MRAP2: variants seen among roughly 807,000 people sequenced by gnomAD.
MRAP2 encodes melanocortin-2 receptor accessory protein 2.
In MRAP2, 20 loss-of-function variants were observed where a neutral mutation model predicts 17.4. The observed-to-expected ratio is 1.15, with a 90% confidence interval of 0.81 to 1.67. The LOEUF (loss-of-function observed/expected upper bound fraction) is 1.67, where lower values mean the gene tolerates loss of function less well. Ranked by LOEUF, MRAP2 falls within the 40% of genes most tolerant of loss-of-function variation. MRAP2 has a pLI of 0.00. For missense variants in MRAP2, 238 were observed against 240.0 expected, an observed-to-expected ratio of 0.99 and a Z score of 0.05; for synonymous variants, 96 against 88.4, an observed-to-expected ratio of 1.09 and a Z score of -0.48.
At chr6:84,129,677 G>A in the MRAP2 span, among the ~76,000 whole-genome samples, 1 of 152,056 alleles carries the variant, frequency 6.6e-6, no homozygotes, top group East Asian at 1.9e-4. Context: ...TGTTTAATTA[G>A]ATCCCATTTG....
the MRAP2 span, among the ~76,000 whole-genome samples, chr6:84,114,053 G>T: frequency 6.6e-6 from 1 of 152,042 alleles, no homozygotes; most frequent in Non-Finnish European, 1.5e-5. Context: ...ACAATTATGT[G>T]TCTTGGGGTT....
rs980872326 is a variant in MRAP2 at position 84,062,946 on chromosome 6, T to C, written c.181T>C (p.Phe61Leu). The C allele has an allele frequency of 1.2e-6, 2 of 1,614,180 alleles. No homozygotes were observed. Among genetic ancestry groups the C allele is most frequent in the Admixed American group, 1.7e-5 (1 of 60,026 alleles). Residue 61 changes from phenylalanine (F) to leucine (L), a missense_variant, in exon 3 of 4, where the codon TTT becomes CTT. Transcript: ENST00000257776. The stretch of plus-strand genomic sequence containing the variant: ...TCTTGCAGTCTTCGTGATTTTTATG[T>C]TTTTTGTGCTGACCTTGCTGACCAA... ...VGLAVFVIFMFFVLTLLTKTG... is the reference protein window; with the variant it reads ...VGLAVFVIFMLFVLTLLTKTG...
chr6:84,128,941 G>A, the MRAP2 span, among the ~76,000 whole-genome samples: 1 of 151,784 alleles, frequency 6.6e-6, no homozygotes, highest in Non-Finnish European at 1.5e-5. Context: ...AACATGCGGT[G>A]TTTGGTTTTC....
chr6:84,087,162 G>A (rs2099500689), intron 3 of MRAP2, among the ~76,000 whole-genome samples: 1 of 152,122 alleles, frequency 6.6e-6, no homozygotes, highest in Admixed American at 6.5e-5. Flanking sequence ...GGTGGTTACA[G>A]CACAGTTTGG....
At chr6:84,038,429 G>A (rs939907595) in intron 1 of MRAP2, among the ~76,000 whole-genome samples, 1 of 152,148 alleles carries the variant, frequency 6.6e-6, no homozygotes, top group Non-Finnish European at 1.5e-5. Context: ...ATGGGTCAGA[G>A]TTTCTTTTGT....
At chr6:84,092,910 A>G (rs1339551339), downstream of MRAP2, among the ~76,000 whole-genome samples, 3 of 152,198 alleles carry the variant, frequency 2.0e-5, no homozygotes, top group Non-Finnish European at 4.4e-5. Context: ...AAAATGAATC[A>G]TCAGTCCCCA....
At chr6:84,114,584 G>A in the MRAP2 span, among the ~76,000 whole-genome samples, 6 of 152,052 alleles carry the variant, frequency 3.9e-5, no homozygotes, top group South Asian at 2.1e-4. Context: ...CTGTCAGTTC[G>A]TCAAACTCAT....
rs1206868875 is a variant in MRAP2, at chr6:84,089,723, C to T, written c.*242C>T. 5 of 455,048 alleles carry T rather than the reference C, an allele frequency of 1.1e-5. No homozygotes were observed. The South Asian group carries it at 1.6e-4, about 15-fold the overall frequency. The allele number at this position is 455,048 out of a possible 1,614,324, so 28.2% of individuals were successfully genotyped here. On this transcript the variant is annotated 3_prime_UTR_variant, in exon 4 of 4. Coordinates refer to ENST00000257776, the MANE Select transcript of MRAP2 (RefSeq NM_138409.4). The stretch of plus-strand genomic sequence containing the variant: ...CTTTGGGAGTATTAAAGTATTTACA[C>T]CAAGCTTGTCCAACCCGTGGCATGT...
chr6:84,047,180 T>C, intron 1 of MRAP2, among the ~76,000 whole-genome samples: 1 of 151,928 alleles, frequency 6.6e-6, no homozygotes, highest in East Asian at 1.9e-4. Context: ...ATTATTTGTA[T>C]TATTTAATTA....
the MRAP2 span, among the ~76,000 whole-genome samples, chr6:84,103,157 T>G: frequency 6.6e-6 from 1 of 152,156 alleles, no homozygotes; most frequent in African/African-American, 2.4e-5. Flanking sequence ...TGAGGACAGA[T>G]TCTGGCAGAA....
chr6:84,065,169 C>T (rs2099494328), intron 3 of MRAP2, among the ~76,000 whole-genome samples: 1 of 151,962 alleles, frequency 6.6e-6, no homozygotes, highest in Non-Finnish European at 1.5e-5. Flanking sequence ...CCTGTAGTCC[C>T]AGCTACTCAG....
intron 3 of MRAP2, among the ~76,000 whole-genome samples, chr6:84,087,147 C>A (rs956237295): frequency 4.6e-5 from 7 of 150,722 alleles, no homozygotes; most frequent in Admixed American, 1.3e-4. Flanking sequence ...AAGACATGTG[C>A]CCAAGGTGGT....
At chr6:84,099,607 C>T in the MRAP2 span, among the ~76,000 whole-genome samples, 1 of 152,028 alleles carries the variant, frequency 6.6e-6, no homozygotes, top group Non-Finnish European at 1.5e-5. Flanking sequence ...GAGCCTGGCA[C>T]CTCCTCCTCT....
At chr6:84,056,878 T>G (rs1472905867) in intron 2 of MRAP2, among the ~76,000 whole-genome samples, 1 of 152,188 alleles carries the variant, frequency 6.6e-6, no homozygotes, top group Non-Finnish European at 1.5e-5. Flanking sequence ...AATAAAATAT[T>G]TTTTGAGGAT....
chr6:84,053,568 A>G (rs1381931638), intron 1 of MRAP2, among the ~76,000 whole-genome samples: 1 of 152,194 alleles, frequency 6.6e-6, no homozygotes, highest in East Asian at 1.9e-4. Flanking sequence ...CACTTGGTGC[A>G]TTTGATAAGA....
chr6:84,101,205 A>C, the MRAP2 span, among the ~76,000 whole-genome samples: 1 of 152,210 alleles, frequency 6.6e-6, no homozygotes, highest in Non-Finnish European at 1.5e-5. Context: ...ACATCAACTC[A>C]GACCTACTGA....
chr6:84,064,704 G>T lies in MRAP2; in HGVS notation c.227+1712G>T, dbSNP rs191756752. 5.8e-3 allele frequency among the ~76,000 whole-genome samples: 884 copies of T among 152,248 alleles called. 22 individuals are homozygous for T. The highest frequency in any genetic ancestry group is 0.051 in the Admixed American group (783 of 15,302). On this transcript the variant is annotated intron_variant, in intron 3 of 3. Coordinates refer to ENST00000257776, the MANE Select transcript of MRAP2 (RefSeq NM_138409.4). The stretch of plus-strand genomic sequence containing the variant: ...GGGTTTCACCATGTTAGCCAGGATG[G>T]TCTCGATCTGCTGACTTCGTGATCC...
At chr6:84,103,728 A>T in the MRAP2 span, among the ~76,000 whole-genome samples, 2 of 152,096 alleles carry the variant, frequency 1.3e-5, no homozygotes, top group Admixed American at 1.3e-4. Flanking sequence ...TATTTCTATT[A>T]TCTGTCCTCT....
At chr6:84,129,935 C>G in the MRAP2 span, among the ~76,000 whole-genome samples, 2 of 152,054 alleles carry the variant, frequency 1.3e-5, no homozygotes, top group East Asian at 3.9e-4. Flanking sequence ...CATCCTTGTC[C>G]TGTGCTGGTC....
Sources: allele counts gnomAD v4.1 joint callset (sites outside exome capture counted in the v4.1 genomes callset), GRCh38; gene constraint gnomAD v4.1.1; transcripts MANE v1.5; gene names NCBI Gene and HGNC (gene_info 2026-07-23, HGNC 2026-07-21).